The following HNF4A variants were observed in gnomAD, a reference collection of about 807,000 sequenced individuals.
HNF4A encodes hepatocyte nuclear factor 4 alpha.
A neutral mutation model predicts 52.4 loss-of-function variants in HNF4A; 15 were observed. The ratio of observed to expected loss-of-function variants is 0.29; its 90% CI spans 0.19 to 0.44. HNF4A has a LOEUF of 0.44. HNF4A is among the 20% of genes least tolerant of loss of function. The pLI is 1.00. For missense variants in HNF4A, 479 were observed against 647.2 expected (o/e 0.74, Z 2.82); for synonymous variants, 280 against 264.4 (o/e 1.06, Z -0.57).
intron 8 of HNF4A, among the ~76,000 whole-genome samples, chr20:44,427,499 T>C (rs1568744043): frequency 6.6e-6 from 1 of 152,236 alleles, no homozygotes; most frequent in Non-Finnish European, 1.5e-5. Context: ...ATAGATGTAC[T>C]GTAGAGATCG....
At chr20:44,419,937 C>T (rs1568737130) in intron 7 of HNF4A, 61 bp downstream of exon 7, 2 of 1,538,152 alleles carry the variant, frequency 1.3e-6, no homozygotes, top group Admixed American at 1.7e-5. Context: ...TGCCAGACTT[C>T]TCCTATTGGG....
At chr20:44,366,196 A>G (rs1292004779) in intron 1 of HNF4A, among the ~76,000 whole-genome samples, 1 of 152,236 alleles carries the variant, frequency 6.6e-6, no homozygotes, top group Non-Finnish European at 1.5e-5. Context: ...TAGTAAGAGT[A>G]AGATATGTAT....
chr20:44,405,442 ACCCAGCCCAAGATC>A (rs1268325127), intron 1 of HNF4A, among the ~76,000 whole-genome samples: 1 of 151,988 alleles, frequency 6.6e-6, no homozygotes, highest in Non-Finnish European at 1.5e-5. Flanking sequence ...GACTCCTGGC[ACCCAGCCCAAGATC>A]CTCTTTCCAC....
chr20:44,431,495 G>C lies in HNF4A; in HGVS notation c.*1830G>C, dbSNP rs2063877390. 6.6e-6 allele frequency: 1 copy of C among 152,364 alleles called. No individual in the cohort carries two copies. Among genetic ancestry groups the C allele is most frequent in the Non-Finnish European group, 1.5e-5 (1 of 68,088 alleles). 9.4% of individuals were successfully genotyped at this position (152,364 alleles called of 1,614,324 possible). A position where few individuals can be genotyped will look rare whatever the true frequency, so the allele number is the denominator to read the frequency against. On this transcript the variant is annotated 3_prime_UTR_variant, in exon 10 of 10. Coordinates refer to ENST00000316099, the MANE Select transcript of HNF4A (RefSeq NM_000457.6). ...TCATCTGGCCTGTTGGCATGGGGGT[G>C]GGACAGTGTGCACAGTGTGGGGGCA... is the stretch of plus-strand genomic sequence containing the variant.
chr20:44,397,098 G>C (rs2146326123), upstream of HNF4A, among the ~76,000 whole-genome samples: 1 of 152,300 alleles, frequency 6.6e-6, no homozygotes, highest in East Asian at 1.9e-4. Context: ...AGGCACCAGA[G>C]ACCAATACCC....
chr20:44,420,851 C>T (rs2063734867), intron 7 of HNF4A, among the ~76,000 whole-genome samples: 1 of 152,090 alleles, frequency 6.6e-6, no homozygotes, highest in Admixed American at 6.6e-5. Flanking sequence ...TAAATCTACA[C>T]ATACTTAAAA....
chr20:44,396,473 A>G (rs1190610320), upstream of HNF4A, among the ~76,000 whole-genome samples: 2 of 152,050 alleles, frequency 1.3e-5, no homozygotes, highest in African/African-American at 2.4e-5. Context: ...TCCCGTCTCA[A>G]CTGGGTCTCT....
At chr20:44,424,588 T>C (rs1212669263) in intron 8 of HNF4A, 7 of 1,396,352 alleles carry the variant, frequency 5.0e-6, no homozygotes, top group Non-Finnish European at 6.6e-6. Flanking sequence ...TGTGCGTGCA[T>C]GTGTATATAA....
intron 2 of HNF4A, 50 bp downstream of exon 2, chr20:44,406,282 T>C (rs1417653638): frequency 6.4e-7 from 1 of 1,556,524 alleles, no homozygotes; most frequent in Admixed American, 1.8e-5. Flanking sequence ...CTTGGGCTCA[T>C]GGCCCCAAGG....
At position 44,387,655 on chromosome 20, in the gene HNF4A, C is replaced by CGGGGGGG. The variant is rs1212441244; in HGVS notation, c.50-18397_50-18391dup. Among the ~76,000 whole-genome samples, 8 of 8,618 alleles carry CGGGGGGG rather than the reference C, an allele frequency of 9.3e-4. 2 individuals carry two copies. Among genetic ancestry groups the CGGGGGGG allele is most frequent in the Admixed American group, 2.1e-3 (2 of 942 alleles). 5.7% of individuals were successfully genotyped at this position (8,618 alleles called of 152,430 possible). ...AGTGAAGGGGTGGGGTGGAGGCAGG[C>CGGGGGGG]GGGGGGGGGGGGAGGCGGGGGGGGC... On this transcript the variant is annotated intron_variant, in intron 1 of 9. Coordinates refer to the HNF4A transcript ENST00000316673.
At chr20:44,371,903 A>G (rs150924720) in intron 1 of HNF4A, among the ~76,000 whole-genome samples, 1,548 of 152,298 alleles carry the variant, frequency 0.01, 26 homozygotes, top group African/African-American at 0.035. Flanking sequence ...CTATGAGACA[A>G]CAGTCTCCTG....
rs1288731541 is a variant in HNF4A, at chr20:44,432,777, A to G, written c.*3112A>G. On this transcript the variant is annotated 3_prime_UTR_variant, in exon 10 of 10. Coordinates refer to ENST00000316099, the MANE Select transcript of HNF4A (RefSeq NM_000457.6). The stretch of plus-strand genomic sequence containing the variant: ...GCCTGATGGGGCAAAGAAACAAAAA[A>G]CATTTCTTACTCTTCTGTGTTTTAA... The G allele has an allele frequency of 1.3e-5, 2 of 152,182 alleles. No individual in the cohort carries two copies. Among genetic ancestry groups the G allele is most frequent in the African/African-American group, 4.8e-5 (2 of 41,452 alleles). The allele number at this position is 152,182 out of a possible 1,614,324, so 9.4% of individuals were successfully genotyped here. A position where few individuals can be genotyped will look rare whatever the true frequency, so the allele number is the denominator to read the frequency against.
intron 1 of HNF4A, among the ~76,000 whole-genome samples, chr20:44,378,918 C>CAAAAAAAAA: frequency 7.7e-6 from 1 of 129,212 alleles, no homozygotes; most frequent in East Asian, 2.2e-4. Flanking sequence ...GACCCCGTCT[C>CAAAAAAAAA]AAAAAAAAAA....
At chr20:44,370,880 G>C (rs527578502) in intron 1 of HNF4A, among the ~76,000 whole-genome samples, 2 of 152,198 alleles carry the variant, frequency 1.3e-5, no homozygotes, top group Non-Finnish European at 2.9e-5. Context: ...CCATGGGCCT[G>C]GCTGAGCCTG....
At chr20:44,368,350 A>G (rs1485939180) in intron 1 of HNF4A, among the ~76,000 whole-genome samples, 2 of 150,686 alleles carry the variant, frequency 1.3e-5, no homozygotes, top group Non-Finnish European at 2.9e-5. Context: ...TATTTTTAGT[A>G]GAGATGGGAT....
At chr20:44,389,339 AG>A (rs2063273837) in intron 1 of HNF4A, among the ~76,000 whole-genome samples, 1 of 152,210 alleles carries the variant, frequency 6.6e-6, no homozygotes, top group African/African-American at 2.4e-5. Flanking sequence ...GGGAGGGTGT[AG>A]GGTTGCCCGA....
chr20:44,411,913 C>G (rs1008812068), intron 3 of HNF4A, among the ~76,000 whole-genome samples: 10 of 151,628 alleles, frequency 6.6e-5, no homozygotes, highest in Admixed American at 6.6e-4. Flanking sequence ...AAAATTTAGC[C>G]AGGCGTGGTG....
chr20:44,365,961 T>G (rs887035946), intron 1 of HNF4A, among the ~76,000 whole-genome samples: 1 of 152,044 alleles, frequency 6.6e-6, no homozygotes. Context: ...GAGCCGAGAT[T>G]ACAACACCAC....
intron 7 of HNF4A, among the ~76,000 whole-genome samples, chr20:44,421,200 C>G (rs1462509690): frequency 6.6e-6 from 1 of 152,160 alleles, no homozygotes; most frequent in Admixed American, 6.5e-5. Context: ...CTTCACATTG[C>G]AGGATGAAGA....
Sources: allele counts gnomAD v4.1 joint callset (sites outside exome capture counted in the v4.1 genomes callset), GRCh38; gene constraint gnomAD v4.1.1; transcripts MANE v1.5; gene names NCBI Gene and HGNC (gene_info 2026-07-23, HGNC 2026-07-21).